The following SNX29 variants were observed in gnomAD, a reference collection of about 807,000 sequenced individuals.
The protein encoded by SNX29 is sorting nexin-29.
In SNX29, 78 loss-of-function variants were observed where a neutral mutation model predicts 102.1. The ratio of observed to expected loss-of-function variants is 0.76; its 90% CI spans 0.64 to 0.92. The LOEUF is 0.92. SNX29 is among the 40% of genes least tolerant of loss of function. The pLI, the probability that SNX29 is intolerant of heterozygous loss-of-function variation, is 0.00. For synonymous variants in SNX29, 580 were observed against 414.5 expected (o/e 1.40, Z -4.85); for missense variants, 1,280 against 1,061.7 (o/e 1.21, Z -2.86).
At chr16:12,040,543 A>G (rs190708524) in intron 4 of SNX29, among the ~76,000 whole-genome samples, 24 of 152,276 alleles carry the variant, frequency 1.6e-4, no homozygotes. Flanking sequence ...TCCTATCCTC[A>G]GACTGAGTAA....
At chr16:12,383,383 C>T (rs530633009) in intron 16 of SNX29, among the ~76,000 whole-genome samples, 20 of 152,172 alleles carry the variant, frequency 1.3e-4, no homozygotes, top group East Asian at 9.6e-4. Flanking sequence ...CATTACAGTT[C>T]GGTGACCACC....
At chr16:12,312,498 T>C (rs1166952399) in intron 15 of SNX29, among the ~76,000 whole-genome samples, 1 of 152,072 alleles carries the variant, frequency 6.6e-6, no homozygotes, top group African/African-American at 2.4e-5. Context: ...TAGATGAAAA[T>C]GAAGTGTCCC....
intron 8 of SNX29, 104 bp from the exon 9 acceptor site, chr16:12,061,424 C>T (rs1446199139): frequency 3.4e-6 from 3 of 895,002 alleles, no homozygotes; most frequent in Non-Finnish European, 5.2e-6. Flanking sequence ...TCAGCCCTGC[C>T]TTGGCCTGGT....
rs541186105 is a variant in SNX29, at chr16:12,424,519, T to C, written c.2037+20990T>C. Reference sequence around the variant, plus strand: ...AACCTGCTTTGAGAGAGCTGGAGACTGCTGGTACCTGCAAATTATTACTAA... The same window carrying C: ...AACCTGCTTTGAGAGAGCTGGAGACCGCTGGTACCTGCAAATTATTACTAA... On this transcript the variant is annotated intron_variant, in intron 18 of 20. Coordinates refer to ENST00000566228, the MANE Select transcript of SNX29 (RefSeq NM_032167.5). 5.9e-5 allele frequency among the ~76,000 whole-genome samples: 9 copies of C among 152,322 alleles called. No individual in the cohort carries two copies. The South Asian group carries it at 1.9e-3, about 32-fold the overall frequency.
At chr16:12,073,553 T>C (rs2051401626) in intron 10 of SNX29, among the ~76,000 whole-genome samples, 1 of 152,196 alleles carries the variant, frequency 6.6e-6, no homozygotes, top group Admixed American at 6.6e-5. Context: ...TAATTTCTGT[T>C]CTTTTACATT....
At chr16:12,123,255 G>A (rs1051604766) in intron 11 of SNX29, among the ~76,000 whole-genome samples, 6 of 151,994 alleles carry the variant, frequency 3.9e-5, no homozygotes, top group African/African-American at 7.3e-5. Flanking sequence ...CCACCTCCCC[G>A]AGTGAACATT....
chr16:12,565,935 T>C (rs1214007365), intron 20 of SNX29, among the ~76,000 whole-genome samples: 1 of 152,132 alleles, frequency 6.6e-6, no homozygotes, highest in East Asian at 1.9e-4. Flanking sequence ...ATCTGTCCAG[T>C]GTCTGCCCTC....
In SNX29 at chr16:12,568,311, A is replaced by AAAAAAAAAG. The variant is rs779782609; in HGVS notation, c.2319-189_2319-188insAAGAAAAAA. On this transcript the variant is annotated intron_variant, in intron 20 of 20. Coordinates refer to ENST00000566228, the MANE Select transcript of SNX29 (RefSeq NM_032167.5). The stretch of plus-strand genomic sequence containing the variant: ...GGAGCCTCGGAGTGCTGTTAAAAAA[A>AAAAAAAAAG]AAAAAATGGAAAGGTTTACGTGACA... Among the ~76,000 whole-genome samples, 367 of 151,582 alleles carry AAAAAAAAAG rather than the reference A, an allele frequency of 2.4e-3. 1 individual carries two copies. Among genetic ancestry groups the AAAAAAAAAG allele is most frequent in the Non-Finnish European group, 4.3e-3 (292 of 67,776 alleles).
In SNX29 at chr16:12,239,819, C is replaced by CA. The variant is rs35375529; in HGVS notation, c.1679-38103dup. On this transcript the variant is annotated intron_variant, in intron 14 of 20. Coordinates refer to ENST00000566228, the MANE Select transcript of SNX29 (RefSeq NM_032167.5). ...TGAGCAATAGACTGACACCCTGTCTCAAAAAAAAAAATCCTGATTATAAAG... is the reference window on the plus strand; with the variant it reads ...TGAGCAATAGACTGACACCCTGTCTCAAAAAAAAAAAATCCTGATTATAAAG... 6.0e-4 allele frequency among the ~76,000 whole-genome samples: 89 copies of CA among 148,102 alleles called. 1 individual carries two copies. Among genetic ancestry groups the CA allele is most frequent in the Middle Eastern group, 3.4e-3 (1 of 292 alleles).
chr16:12,056,932 C>T (rs1262283619), intron 8 of SNX29, among the ~76,000 whole-genome samples: 1 of 148,580 alleles, frequency 6.7e-6, no homozygotes, highest in Admixed American at 6.9e-5. Flanking sequence ...AGTGATCTCC[C>T]TGCCTCAGCC....
chr16:12,024,685 C>G (rs1043515894), intron 3 of SNX29, among the ~76,000 whole-genome samples: 1 of 152,154 alleles, frequency 6.6e-6, no homozygotes, highest in East Asian at 1.9e-4. Flanking sequence ...TTGTGCAGTT[C>G]GCCTGCATTC....
At chr16:12,550,401 G>T (rs889506568) in intron 20 of SNX29, among the ~76,000 whole-genome samples, 1 of 152,062 alleles carries the variant, frequency 6.6e-6, no homozygotes, top group Non-Finnish European at 1.5e-5. Flanking sequence ...CAGGCATGGT[G>T]GTGCACGCCT....
chr16:12,465,188 G>T (rs1451777735), intron 18 of SNX29, among the ~76,000 whole-genome samples: 3 of 152,096 alleles, frequency 2.0e-5, no homozygotes, highest in African/African-American at 7.2e-5. Flanking sequence ...TCATTTTGTT[G>T]TTTCCTTTGC....
At chr16:12,180,516 C>G (rs543674423) in intron 13 of SNX29, among the ~76,000 whole-genome samples, 22 of 151,380 alleles carry the variant, frequency 1.5e-4, no homozygotes, top group African/African-American at 5.3e-4. Context: ...TGGAGTCTTG[C>G]TCTGTCGCCC....
intron 14 of SNX29, among the ~76,000 whole-genome samples, chr16:12,238,371 G>A (rs2078000891): frequency 6.6e-6 from 1 of 150,620 alleles, no homozygotes; most frequent in Non-Finnish European, 1.5e-5. Flanking sequence ...TGGGAGGATC[G>A]CTTGACCACC....
At chr16:12,474,478 G>A (rs549264930) in intron 18 of SNX29, among the ~76,000 whole-genome samples, 2 of 152,268 alleles carry the variant, frequency 1.3e-5, no homozygotes, top group Non-Finnish European at 2.9e-5. Flanking sequence ...GGCAGGGCGT[G>A]GGCAGGAGAG....
chr16:12,039,434 CTTG>C (rs2057567170), intron 4 of SNX29, among the ~76,000 whole-genome samples: 6 of 152,240 alleles, frequency 3.9e-5, no homozygotes, highest in Admixed American at 3.9e-4. Flanking sequence ...GGGACGAGTT[CTTG>C]TTGTCTCTAG....
intron 6 of SNX29, among the ~76,000 whole-genome samples, chr16:12,047,651 C>CT (rs376623418): frequency 0.014 from 1,782 of 126,430 alleles, 22 homozygotes; most frequent in Non-Finnish European, 0.02. Context: ...GGACCAAGGT[C>CT]TTTTTTTTTT....
At chr16:12,393,417 C>A (rs960834324) in intron 16 of SNX29, among the ~76,000 whole-genome samples, 3 of 139,218 alleles carry the variant, frequency 2.2e-5, no homozygotes, top group Non-Finnish European at 4.8e-5. Context: ...TGCATGCATT[C>A]ATTCATTCAT....
Sources: allele counts gnomAD v4.1 joint callset (sites outside exome capture counted in the v4.1 genomes callset), GRCh38; gene constraint gnomAD v4.1.1; transcripts MANE v1.5; gene names NCBI Gene and HGNC (gene_info 2026-07-23, HGNC 2026-07-21).